Variants in ENOX2 observed in about 807,000 individuals in gnomAD.
The protein encoded by ENOX2 is APK1 antigen.
In ENOX2, 36 loss-of-function variants were observed where a neutral mutation model predicts 45.0. The ratio of observed to expected loss-of-function variants is 0.80; its 90% CI spans 0.61 to 1.06. The LOEUF is 1.06. ENOX2 is among the 50% of genes least tolerant of loss of function. The pLI is 0.00. For synonymous variants in ENOX2, 174 were observed against 152.3 expected (o/e 1.14, Z -1.05); for missense variants, 423 against 462.5 (o/e 0.91, Z 0.78).
chrX:130,737,197 C>T (rs1218195893), intron 3 of ENOX2, among the ~76,000 whole-genome samples: 3 of 111,273 alleles, frequency 2.7e-5, no homozygotes, highest in Non-Finnish European at 5.6e-5. Context: ...GTAGCTGAGG[C>T]AAAATATAAT....
chrX:130,633,887 G>C (rs183212615), intron 12 of ENOX2, among the ~76,000 whole-genome samples: 3 of 112,561 alleles, frequency 2.7e-5, no homozygotes, highest in Admixed American at 9.4e-5. Context: ...TCAATTAAAT[G>C]CTTGATAAAT....
rs752855351 is a variant in ENOX2 at position 130,699,560 on chromosome X, A to C, written c.97+3560T>G. Among the ~76,000 whole-genome samples, 4 of 111,758 alleles carry C rather than the reference A, an allele frequency of 3.6e-5. No homozygotes were observed. The South Asian group carries it at 1.5e-3, about 42-fold the overall frequency. Reference sequence around the variant, plus strand: ...ATGGGTGACTTCAGGCAACAGCTCCATGAGGCTTATTTGCTGCCTTTTCCA... The same window carrying C: ...ATGGGTGACTTCAGGCAACAGCTCCCTGAGGCTTATTTGCTGCCTTTTCCA... On this transcript the variant is annotated intron_variant, in intron 4 of 14. Transcript: ENST00000394363.
rs200273347 is a variant in ENOX2, at chrX:130,898,505, C to T, written c.-183+3179G>A. Reference sequence around the variant, plus strand: ...GTGTGTGCGTGTGCGTGTGTGTGTGCGTGTGTGTGTGTGTATTATGTATAT... The same window carrying T: ...GTGTGTGCGTGTGCGTGTGTGTGTGTGTGTGTGTGTGTGTATTATGTATAT... On this transcript the variant is annotated intron_variant, in intron 2 of 14. Coordinates refer to ENST00000394363, the MANE Select transcript of ENOX2 (RefSeq NM_006375.4). 4.8e-4 allele frequency among the ~76,000 whole-genome samples: 52 copies of T among 108,267 alleles called. No individual in the cohort carries two copies. The South Asian group carries it at 0.015, about 32-fold the overall frequency. 94.0% of individuals were successfully genotyped at this position (108,267 alleles called of 115,157 possible).
chrX:130,635,069 T>A lies in ENOX2; in HGVS notation c.1334A>T (p.Glu445Val). 1 of 1,171,424 alleles carries A rather than the reference T, an allele frequency of 8.5e-7. No individual in the cohort carries two copies. Among genetic ancestry groups the A allele is most frequent in the South Asian group, 1.8e-5 (1 of 55,046 alleles). Reference protein sequence around the residue: ...MQQHLLKVQEEYKKKEAELEK... With the variant: ...MQQHLLKVQEVYKKKEAELEK... ...AAGTTCAGCTTCTTTCTTTTTGTATTCCTCTTGGACTTTGAGTAGATGCTA... is the reference window on the plus strand; with the variant it reads ...AAGTTCAGCTTCTTTCTTTTTGTATACCTCTTGGACTTTGAGTAGATGCTA... The change falls in exon 12 of 15, where the codon GAA (glutamate) becomes GTA (valine). Residue 445 changes from glutamate to valine, a missense_variant. Glu to Val is a moderately radical substitution (Grantham distance 121). Transcript: ENST00000394363.
At chrX:130,753,216 C>G (rs1479790295) in intron 3 of ENOX2, among the ~76,000 whole-genome samples, 2 of 110,484 alleles carry the variant, frequency 1.8e-5, no homozygotes, top group Non-Finnish European at 3.8e-5. Flanking sequence ...CCTGTTTTCT[C>G]TCTCTCTTTG....
At chrX:130,723,989 T>C (rs191594397) in intron 3 of ENOX2, among the ~76,000 whole-genome samples, 6 of 112,198 alleles carry the variant, frequency 5.3e-5, no homozygotes, top group African/African-American at 1.6e-4. Flanking sequence ...GCATAGTGAA[T>C]GTACAAATAG....
intron 2 of ENOX2, among the ~76,000 whole-genome samples, chrX:130,894,563 T>C (rs1271477623): frequency 9.1e-6 from 1 of 109,785 alleles, no homozygotes; most frequent in Non-Finnish European, 1.9e-5. Flanking sequence ...ATTGAAAGTA[T>C]TTCAAAATAA....
chrX:130,802,844 CAA>C (rs2077241653), intron 2 of ENOX2, among the ~76,000 whole-genome samples: 1 of 112,326 alleles, frequency 8.9e-6, no homozygotes, highest in African/African-American at 3.2e-5. Context: ...CAATTCTGGA[CAA>C]GAGACTTCTT....
chrX:130,798,648 C>T (rs1384209771), intron 2 of ENOX2, among the ~76,000 whole-genome samples: 2 of 112,126 alleles, frequency 1.8e-5, no homozygotes, highest in Non-Finnish European at 3.8e-5. Flanking sequence ...AGTTCCTTAC[C>T]TTAGTTCTAG....
At chrX:130,789,631 G>T (rs952362227) in intron 2 of ENOX2, among the ~76,000 whole-genome samples, 1 of 112,597 alleles carries the variant, frequency 8.9e-6, no homozygotes, top group African/African-American at 3.2e-5. Flanking sequence ...AATAAGAACA[G>T]TCTAGCTAAT....
chrX:130,837,113 G>T (rs1308533722), intron 2 of ENOX2, among the ~76,000 whole-genome samples: 3 of 112,195 alleles, frequency 2.7e-5, no homozygotes, highest in Non-Finnish European at 5.6e-5. Context: ...TTGAAAGTGG[G>T]TACTAAATTC....
intron 3 of ENOX2, among the ~76,000 whole-genome samples, chrX:130,735,443 A>G (rs1219755425): frequency 4.5e-5 from 5 of 111,811 alleles, no homozygotes; most frequent in African/African-American, 1.3e-4. Flanking sequence ...TTGGCTGGGT[A>G]TACTAATTCA....
chrX:130,632,023 T>G (rs1396893214), intron 12 of ENOX2, among the ~76,000 whole-genome samples: 2 of 110,986 alleles, frequency 1.8e-5, no homozygotes, highest in Non-Finnish European at 3.8e-5. Flanking sequence ...AGGACCATTG[T>G]TTTTTTAAAA....
chrX:130,787,048 C>T (rs1275117246), intron 2 of ENOX2, among the ~76,000 whole-genome samples: 1 of 92,779 alleles, frequency 1.1e-5, no homozygotes, highest in African/African-American at 4.0e-5. Context: ...TATTTCTCCA[C>T]ATCCTCTCCA....
intron 3 of ENOX2, among the ~76,000 whole-genome samples, chrX:130,744,359 C>T (rs1007043582): frequency 1.8e-5 from 2 of 111,855 alleles, no homozygotes; most frequent in African/African-American, 6.5e-5. Flanking sequence ...TTGAACTCTT[C>T]GTAAGATTGC....
intron 2 of ENOX2, among the ~76,000 whole-genome samples, chrX:130,881,925 C>T (rs1405313158): frequency 8.9e-6 from 1 of 111,787 alleles, no homozygotes; most frequent in Non-Finnish European, 1.9e-5. Context: ...TCTGGTGGTG[C>T]AGCTGCTGAA....
At chrX:130,866,665 C>T (rs926264993) in intron 2 of ENOX2, among the ~76,000 whole-genome samples, 17 of 111,495 alleles carry the variant, frequency 1.5e-4, no homozygotes, top group Admixed American at 2.9e-4. Context: ...TCTCTCGTTC[C>T]GACAAATCCC....
At chrX:130,793,845 C>T (rs1480663361) in intron 2 of ENOX2, among the ~76,000 whole-genome samples, 1 of 112,175 alleles carries the variant, frequency 8.9e-6, no homozygotes. Flanking sequence ...GGAAACACAG[C>T]AAAATCACAT....
chrX:130,886,576 T>G (rs1239684908), intron 2 of ENOX2, among the ~76,000 whole-genome samples: 2 of 112,339 alleles, frequency 1.8e-5, no homozygotes, highest in East Asian at 5.6e-4. Context: ...AAGAAACACT[T>G]TTGATCCAAG....
Sources: allele counts gnomAD v4.1 joint callset (sites outside exome capture counted in the v4.1 genomes callset), GRCh38; gene constraint gnomAD v4.1.1; transcripts MANE v1.5; gene names NCBI Gene and HGNC (gene_info 2026-07-23, HGNC 2026-07-21).